HSPA12A: variants seen among roughly 807,000 people sequenced by gnomAD.
The protein encoded by HSPA12A is heat shock 70 kDa protein 12A.
HSPA12A carries 28 observed loss-of-function variants against 69.2 expected under a neutral mutation model. The observed-to-expected ratio is 0.40, with a 90% CI of 0.30 to 0.55. The LOEUF is 0.55. Among genes scored for constraint, HSPA12A ranks in the 20% least tolerant of loss-of-function variants. The pLI is 0.38. For missense variants in HSPA12A, 686 were observed against 900.7 expected, an observed-to-expected ratio of 0.76 and a Z score of 3.05; for synonymous variants, 345 against 370.5, an observed-to-expected ratio of 0.93 and a Z score of 0.79.
intron 2 of HSPA12A, among the ~76,000 whole-genome samples, chr10:116,813,397 C>A (rs193126149): frequency 2.3e-4 from 35 of 151,918 alleles, no homozygotes; most frequent in Middle Eastern, 3.4e-3. Flanking sequence ...CAGGCACCCA[C>A]CACCACGCCC....
At chr10:116,846,301 C>T (rs994417237) in intron 1 of HSPA12A, among the ~76,000 whole-genome samples, 24 of 151,524 alleles carry the variant, frequency 1.6e-4, no homozygotes, top group African/African-American at 5.8e-4. Flanking sequence ...ACATTCTTCC[C>T]TCAAATATTG....
At chr10:116,810,025 C>G (rs1845144763) in intron 2 of HSPA12A, among the ~76,000 whole-genome samples, 1 of 152,140 alleles carries the variant, frequency 6.6e-6, no homozygotes, top group South Asian at 2.1e-4. Context: ...CCGAAGCCCA[C>G]CGAAGGAGAA....
intron 2 of HSPA12A, chr10:116,832,404 G>T (rs1845634424): frequency 6.6e-6 from 1 of 152,196 alleles, no homozygotes; most frequent in African/African-American, 2.4e-5. Flanking sequence ...TTGACCTCGT[G>T]ATCCGCCCAC....
chr10:116,681,860 G>T lies in HSPA12A; in HGVS notation c.853C>A (p.Arg285Ser). 2 of 1,614,074 alleles carry T rather than the reference G, an allele frequency of 1.2e-6. No homozygotes were observed. The highest frequency in any genetic ancestry group is 1.7e-6 in the Non-Finnish European group (2 of 1,179,966). The change falls in exon 8 of 12, where the codon CGT becomes AGT. Residue 285 changes from arginine (R) to serine (S), a missense_variant. Physicochemically the swap from Arg to Ser is moderately radical, Grantham distance 110 (BLOSUM62 -1). Transcript: ENST00000369209. The part of the protein sequence containing the change: ...GFTQAKEHIR[R>S]NRQSRTFLVE... The stretch of plus-strand genomic sequence containing the variant: ...AAAAAGGTCCGACTCTGCCGATTAC[G>T]CCGTATGTGTTCCTTAGCTAGTGGC...
chr10:116,726,027 G>GCGCGCACACACACACACACACACA (rs140160132), intron 1 of HSPA12A, among the ~76,000 whole-genome samples: 22 of 146,114 alleles, frequency 1.5e-4, no homozygotes, highest in African/African-American at 5.6e-4. Flanking sequence ...ACACACACAC[G>GCGCGCACACACACACACACACACA]CACACACACA....
chr10:116,809,283 G>A (rs562681992), intron 2 of HSPA12A, among the ~76,000 whole-genome samples: 14 of 152,276 alleles, frequency 9.2e-5, no homozygotes, highest in African/African-American at 2.6e-4. Flanking sequence ...CATGACTGAA[G>A]CCCTCTGGTG....
At chr10:116,701,955 G>A (rs1251382678) in intron 3 of HSPA12A, among the ~76,000 whole-genome samples, 6 of 152,094 alleles carry the variant, frequency 3.9e-5, no homozygotes, top group Admixed American at 3.9e-4. Flanking sequence ...TGGAGGGAAA[G>A]GGAAGCCAGG....
At chr10:116,826,426 G>A (rs1422063566) in intron 2 of HSPA12A, among the ~76,000 whole-genome samples, 1 of 152,120 alleles carries the variant, frequency 6.6e-6, no homozygotes, top group Non-Finnish European at 1.5e-5. Flanking sequence ...TGAATGAAAC[G>A]TAAAAGCCAG....
In HSPA12A at chr10:116,672,062, A is replaced by C. The variant is rs1849099188; in HGVS notation, c.*2719T>G. 1 of 152,222 alleles carries C rather than the reference A, an allele frequency of 6.6e-6. No homozygotes were observed. Among genetic ancestry groups the C allele is most frequent in the South Asian group, 2.1e-4 (1 of 4,832 alleles). 9.4% of individuals were successfully genotyped at this position (152,222 alleles called of 1,614,324 possible). ...TCTGCTCATTTAAGAGAAACAGTAC[A>C]CAGGGAGATAGCATTAATGCAAGGC... On this transcript the variant is annotated 3_prime_UTR_variant, in exon 12 of 12. Transcript: ENST00000369209.
intron 1 of HSPA12A, among the ~76,000 whole-genome samples, chr10:116,836,305 G>A (rs1845709508): frequency 1.3e-5 from 2 of 152,090 alleles, no homozygotes; most frequent in South Asian, 4.1e-4. Context: ...GTTTAGACCT[G>A]TCAACAGCTA....
At chr10:116,751,009 T>TGAAGAA (rs367768494) in intron 2 of HSPA12A, among the ~76,000 whole-genome samples, 10 of 129,154 alleles carry the variant, frequency 7.7e-5, no homozygotes, top group Non-Finnish European at 1.5e-4. Context: ...AGGAAGAACA[T>TGAAGAA]GAAGAAGAAG....
chr10:116,835,112 T>C (rs1298065277), intron 1 of HSPA12A: 1 of 794,494 alleles, frequency 1.3e-6, no homozygotes, highest in Non-Finnish European at 1.7e-6. Flanking sequence ...GGTTGACGGT[T>C]TGTAAGAGGC....
Position 116,742,481 on chromosome 10 carries a change from C to T in HSPA12A, c.-12G>A, listed in dbSNP as rs1329296989. 7.4e-7 allele frequency: 1 copy of T among 1,351,630 alleles called. No homozygotes were observed. The highest frequency in any genetic ancestry group is 1.5e-5 in the African/African-American group (1 of 65,164). The allele number at this position is 1,351,630 out of a possible 1,614,324, so 83.7% of individuals were successfully genotyped here. ...TCCTTGTCCGCCATGGTCGCGCAGC[C>T]CCGGACCGCGAGGGGAGCCTCCAGC... On this transcript the variant is annotated 5_prime_UTR_variant, in exon 1 of 12. Coordinates refer to ENST00000369209, the MANE Select transcript of HSPA12A (RefSeq NM_025015.3).
intron 1 of HSPA12A, among the ~76,000 whole-genome samples, chr10:116,715,087 C>T (rs1850566007): frequency 6.6e-6 from 1 of 152,194 alleles, no homozygotes; most frequent in African/African-American, 2.4e-5. Context: ...GGAAAATCTA[C>T]AGGAAAGGAG....
At chr10:116,845,874 A>G (rs2133227934) in intron 1 of HSPA12A, among the ~76,000 whole-genome samples, 1 of 152,344 alleles carries the variant, frequency 6.6e-6, no homozygotes, top group South Asian at 2.1e-4. Context: ...TGGAATATTC[A>G]TGAATAATCA....
In HSPA12A at chr10:116,709,346, G is replaced by A. The variant is rs193144264; in HGVS notation, c.41-2061C>T. Among the ~76,000 whole-genome samples, 1,092 of 151,948 alleles carry A rather than the reference G, an allele frequency of 7.2e-3. 14 individuals carry two copies. The highest frequency in any genetic ancestry group is 0.025 in the African/African-American group (1,037 of 41,422). ...GCCTGTAGTCCCAGCTACTCGGGAGGCTGAGACAGGAGAATCATTTGAACC... is the reference window on the plus strand; with the variant it reads ...GCCTGTAGTCCCAGCTACTCGGGAGACTGAGACAGGAGAATCATTTGAACC... On this transcript the variant is annotated intron_variant, in intron 1 of 11. Transcript: ENST00000369209.
chr10:116,714,220 G>A (rs1850538543), intron 1 of HSPA12A, among the ~76,000 whole-genome samples: 1 of 152,104 alleles, frequency 6.6e-6, no homozygotes, highest in East Asian at 1.9e-4. Flanking sequence ...GACTAAGAGT[G>A]TCAGGGAGTT....
chr10:116,828,856 T>G (rs1344359916), intron 2 of HSPA12A: 1 of 152,184 alleles, frequency 6.6e-6, no homozygotes, highest in Non-Finnish European at 1.5e-5. Flanking sequence ...CAACACAAAA[T>G]TTCAACCACA....
chr10:116,735,498 G>A (rs782574419), intron 1 of HSPA12A, among the ~76,000 whole-genome samples: 21 of 152,274 alleles, frequency 1.4e-4, no homozygotes, highest in Non-Finnish European at 2.6e-4. Context: ...AGAAGCCTGA[G>A]CTTGCCTCTT....
Sources: gnomAD v4.1 joint callset for allele counts (sites outside exome capture counted in the v4.1 genomes callset) on GRCh38, gnomAD v4.1.1 for gene constraint, MANE v1.5 for transcripts, NCBI Gene and HGNC (gene_info 2026-07-23, HGNC 2026-07-21) for gene names.